The following OGDH variants were observed in gnomAD, a reference collection of about 807,000 sequenced individuals.
OGDH encodes oxoglutarate dehydrogenase, also known as 2-oxoglutarate dehydrogenase complex component E1.
In OGDH, 38 loss-of-function variants were observed where a neutral mutation model predicts 116.6. The observed-to-expected ratio is 0.33, with a 90% CI of 0.25 to 0.43. OGDH has a LOEUF of 0.43. OGDH is among the 20% of genes least tolerant of loss of function. The pLI is 1.00. For missense variants in OGDH, 825 were observed against 1,357.2 expected (o/e 0.61, Z 6.16); for synonymous variants, 488 against 533.3 (o/e 0.92, Z 1.17).
chr7:44,697,879 C>A lies in OGDH; in HGVS notation c.2358+97C>A. 7.2e-7 allele frequency: 1 copy of A among 1,393,848 alleles called. No individual in the cohort carries two copies. The highest frequency in any genetic ancestry group is 9.6e-7 in the Non-Finnish European group (1 of 1,039,292). 86.3% of individuals were successfully genotyped at this position (1,393,848 alleles called of 1,614,324 possible). The stretch of plus-strand genomic sequence containing the variant: ...CTGGCACGAGAGCCAGTGGCTCACA[C>A]CAGCCTCCTAAGGACTCTGCTGGTG... On this transcript the variant is annotated intron_variant, in intron 17 of 22. Coordinates refer to ENST00000222673, the MANE Select transcript of OGDH (RefSeq NM_002541.4). This position sits in a 1 kb window ranked among gnomAD's most constrained non-coding sequence, Gnocchi z 6.0.
chr7:44,698,382 A>C, intron 18 of OGDH, 119 bp downstream of exon 18: 9 of 1,041,500 alleles, frequency 8.6e-6, no homozygotes, highest in Non-Finnish European at 1.3e-5. Flanking sequence ...CCCTTTCTCC[A>C]TCCTGGGGAG....
chr7:44,622,518 A>G (rs1323755444), intron 1 of OGDH, among the ~76,000 whole-genome samples: 2 of 152,140 alleles, frequency 1.3e-5, no homozygotes, highest in Non-Finnish European at 2.9e-5. Context: ...ATCTCTTCTC[A>G]GTGGAGCAGG....
chr7:44,706,179 G>A (rs1049669476), intron 20 of OGDH, among the ~76,000 whole-genome samples: 1 of 152,048 alleles, frequency 6.6e-6, no homozygotes, highest in Non-Finnish European at 1.5e-5. Context: ...CTGAGCTCAA[G>A]GGATCCTCCT....
In OGDH at chr7:44,708,658, C is replaced by T. The variant is rs1216108485; in HGVS notation, c.*659C>T. The T allele has an allele frequency of 6.6e-6, 1 of 152,262 alleles. No homozygotes were observed. Among genetic ancestry groups the T allele is most frequent in the Non-Finnish European group, 1.5e-5 (1 of 68,094 alleles). The allele number at this position is 152,262 out of a possible 1,614,324, so 9.4% of individuals were successfully genotyped here. A position where few individuals can be genotyped will look rare whatever the true frequency, so the allele number is the denominator to read the frequency against. On this transcript the variant is annotated 3_prime_UTR_variant, in exon 23 of 23. Coordinates refer to ENST00000222673, the MANE Select transcript of OGDH (RefSeq NM_002541.4). The stretch of plus-strand genomic sequence containing the variant: ...GGGCCCAAGCATGCCCCACCCACCC[C>T]TCCTGGGCCCAGGCAGCACCTGGAG...
intron 4 of OGDH, among the ~76,000 whole-genome samples, chr7:44,659,154 T>C (rs1786823986): frequency 6.6e-6 from 1 of 152,158 alleles, no homozygotes. Context: ...TATTCTTTAA[T>C]GTAGATGATT....
In OGDH at chr7:44,647,208, T is replaced by C. The variant is rs1244757461; in HGVS notation, c.415-449T>C. 2.0e-4 allele frequency among the ~76,000 whole-genome samples: 30 copies of C among 152,248 alleles called. 1 individual carries two copies. The highest frequency in any genetic ancestry group is 2.0e-3 in the Admixed American group (30 of 15,286). ...ATAAAGATCACAAGAAATGGATCCT[T>C]TCAGACTCCTAAGTTTATCATAACC... is the stretch of plus-strand genomic sequence containing the variant. On this transcript the variant is annotated intron_variant, in intron 3 of 22. Transcript: ENST00000222673.
chr7:44,621,945 C>G (rs77873222), intron 1 of OGDH, among the ~76,000 whole-genome samples: 1 of 152,002 alleles, frequency 6.6e-6, no homozygotes, highest in South Asian at 2.1e-4. Context: ...TCAGTGACTG[C>G]GGATAGCAAA....
intron 1 of OGDH, among the ~76,000 whole-genome samples, chr7:44,616,069 C>A (rs969099509): frequency 6.6e-6 from 1 of 151,864 alleles, no homozygotes; most frequent in Non-Finnish European, 1.5e-5. Flanking sequence ...TTCTTTGGGT[C>A]CTCTGGTTCC....
At chr7:44,692,425 G>A (rs891438699) in intron 10 of OGDH, among the ~76,000 whole-genome samples, 13 of 152,176 alleles carry the variant, frequency 8.5e-5, no homozygotes, top group African/African-American at 3.1e-4. Flanking sequence ...AGCCTCAGAA[G>A]ATACTATATA....
chr7:44,703,062 T>G (rs1173425264), intron 20 of OGDH, among the ~76,000 whole-genome samples: 1 of 152,224 alleles, frequency 6.6e-6, no homozygotes, highest in Admixed American at 6.5e-5. Context: ...TTGTTTCATT[T>G]AGTATAATGT....
In OGDH at chr7:44,694,081, C is replaced by A; in HGVS notation, c.1515+77C>A. ...TCTTGCCCTCGGCACCCCTGTGTCC[C>A]AAGGAGAGGAGCTTGTCTAGATGAG... On this transcript the variant is annotated intron_variant, in intron 11 of 22. Transcript: ENST00000222673. This position sits in a 1 kb window ranked among gnomAD's most constrained non-coding sequence, Gnocchi z 4.2. 1 of 1,463,328 alleles carries A rather than the reference C, an allele frequency of 6.8e-7. No homozygotes were observed. The highest frequency in any genetic ancestry group is 9.2e-7 in the Non-Finnish European group (1 of 1,082,158). 90.6% of individuals were successfully genotyped at this position (1,463,328 alleles called of 1,614,324 possible). A position where few individuals can be genotyped will look rare whatever the true frequency, so the allele number is the denominator to read the frequency against.
intron 5 of OGDH, 152 bp from the exon 6 acceptor site, chr7:44,673,635 T>C: frequency 1.3e-6 from 1 of 755,202 alleles, no homozygotes; most frequent in East Asian, 2.6e-5. Context: ...TGGCACCCAC[T>C]CCATCCCATC....
At chr7:44,631,900 C>T (rs1040427526) in intron 2 of OGDH, among the ~76,000 whole-genome samples, 5 of 148,700 alleles carry the variant, frequency 3.4e-5, no homozygotes, top group Admixed American at 6.8e-5. Flanking sequence ...TAAATAAAAA[C>T]ATTTGGAATT....
At position 44,697,185 on chromosome 7, in the gene OGDH, A is replaced by T; in HGVS notation, c.2051+121A>T. 1 of 1,481,158 alleles carries T rather than the reference A, an allele frequency of 6.8e-7. No individual in the cohort carries two copies. Among genetic ancestry groups the T allele is most frequent in the Non-Finnish European group, 9.2e-7 (1 of 1,090,042 alleles). The allele number at this position is 1,481,158 out of a possible 1,614,324, so 91.8% of individuals were successfully genotyped here. On this transcript the variant is annotated intron_variant, in intron 15 of 22. Transcript: ENST00000222673. This position sits in a 1 kb window ranked among gnomAD's most constrained non-coding sequence, Gnocchi z 6.0. The stretch of plus-strand genomic sequence containing the variant: ...GAAGAGTCACATTGCTCTCAGGCTG[A>T]AAACCTCTGTCCCTCATTTGCTATG...
intron 2 of OGDH, among the ~76,000 whole-genome samples, chr7:44,630,967 C>T (rs1463083224): frequency 1.3e-5 from 2 of 152,132 alleles, no homozygotes; most frequent in African/African-American, 4.8e-5. Flanking sequence ...AATCTAATGC[C>T]CCCGCTGATG....
At chr7:44,616,340 A>G (rs915929889) in intron 1 of OGDH, among the ~76,000 whole-genome samples, 1 of 152,108 alleles carries the variant, frequency 6.6e-6, no homozygotes, top group Non-Finnish European at 1.5e-5. Context: ...CTGTGGGGCC[A>G]CGTCTCAGGG....
At chr7:44,626,995 T>G (rs894077182) in intron 2 of OGDH, among the ~76,000 whole-genome samples, 4 of 151,858 alleles carry the variant, frequency 2.6e-5, no homozygotes, top group African/African-American at 4.9e-5. Flanking sequence ...TTGTTTGTTT[T>G]TTTGTTTTGT....
rs74665527 is a variant in OGDH, at chr7:44,641,945, T to C, written c.223-3382T>C. The stretch of plus-strand genomic sequence containing the variant: ...AGGGAGTTGATGCTGAGACATCCTC[T>C]GTTTTCTCTCCTAAGAGTAAGTCAG... On this transcript the variant is annotated intron_variant, in intron 2 of 22. Coordinates refer to ENST00000222673, the MANE Select transcript of OGDH (RefSeq NM_002541.4). Among the ~76,000 whole-genome samples, 1,012 of 152,348 alleles carry C rather than the reference T, an allele frequency of 6.6e-3. 8 individuals are homozygous for C. Among genetic ancestry groups the C allele is most frequent in the South Asian group, 0.022 (105 of 4,822 alleles).
rs114310320 is a variant in OGDH, at chr7:44,681,677, A to G, written c.1207-43A>G. ...CCTCTGTTTACCTTGTGGACTTGGC[A>G]ATCAGAACATTCTGGATTTGGGGTC... On this transcript the variant is annotated intron_variant, in intron 9 of 22. Coordinates refer to ENST00000222673, the MANE Select transcript of OGDH (RefSeq NM_002541.4). The G allele has an allele frequency of 4.7e-4, 750 of 1,590,608 alleles. 5 individuals carry two copies. In the African/African-American group the frequency reaches 9.1e-3, roughly 19 times the overall value.
Sources: gnomAD v4.1 joint callset for allele counts (sites outside exome capture counted in the v4.1 genomes callset) on GRCh38, gnomAD v4.1.1 for gene constraint, Gnocchi (gnomAD v3.1) non-coding constraint, MANE v1.5 for transcripts, NCBI Gene and HGNC (gene_info 2026-07-23, HGNC 2026-07-21) for gene names.